The following CSMD1 variants were observed in gnomAD, a reference collection of about 807,000 sequenced individuals.
CSMD1 encodes the protein CUB and sushi domain-containing protein 1.
In CSMD1, 213 loss-of-function variants were observed where a neutral mutation model predicts 417.5. The observed-to-expected ratio is 0.51, with a 90% CI of 0.46 to 0.57. CSMD1 has a LOEUF of 0.57. Among genes scored for constraint, CSMD1 ranks in the 20% least tolerant of loss-of-function variants. The pLI, the probability that CSMD1 is intolerant of heterozygous loss-of-function variation, is 0.00. For synonymous variants in CSMD1, 2,862 were observed against 1,736.8 expected (o/e 1.65, Z -16.11); for missense variants, 6,923 against 4,529.7 (o/e 1.53, Z -15.17).
At chr8:3,761,447 A>C (rs1341119988) in intron 5 of CSMD1, among the ~76,000 whole-genome samples, 2 of 151,968 alleles carry the variant, frequency 1.3e-5, no homozygotes, top group African/African-American at 4.8e-5. Context: ...TGGTATATTT[A>C]AAACTGTACC....
At chr8:4,637,757 G>C (rs1033619669) in intron 1 of CSMD1, among the ~76,000 whole-genome samples, 199 bp from the exon 2 acceptor site, 1 of 139,340 alleles carries the variant, frequency 7.2e-6, no homozygotes, top group Non-Finnish European at 1.5e-5. Flanking sequence ...TGCAAGCTCC[G>C]CTTCCCGGGT....
chr8:4,211,320 A>G (rs1800298286), intron 3 of CSMD1, among the ~76,000 whole-genome samples: 1 of 152,084 alleles, frequency 6.6e-6, no homozygotes, highest in Non-Finnish European at 1.5e-5. Context: ...CTATCATTAT[A>G]TCCAACTGTT....
At chr8:2,974,063 G>GTGGTAGAGGATGGTGGTAGAGGATGA (rs1804703910) in intron 56 of CSMD1, among the ~76,000 whole-genome samples, 7 of 83,298 alleles carry the variant, frequency 8.4e-5, no homozygotes, top group Non-Finnish European at 1.6e-4. Context: ...GTAGAGGATG[G>GTGGTAGAGGATGGTGGTAGAGGATGA]TGGTAGAGGA....
chr8:3,828,990 G>A (rs888805538), intron 5 of CSMD1, among the ~76,000 whole-genome samples: 3 of 152,028 alleles, frequency 2.0e-5, no homozygotes, highest in African/African-American at 7.2e-5. Flanking sequence ...TTTTACCCCA[G>A]CTGTTTCCTC....
intron 1 of CSMD1, among the ~76,000 whole-genome samples, chr8:4,727,127 G>A (rs984593916): frequency 1.3e-5 from 2 of 152,114 alleles, no homozygotes; most frequent in African/African-American, 2.4e-5. Context: ...GCAGCTGAAT[G>A]TAACTTCTGC....
intron 1 of CSMD1, among the ~76,000 whole-genome samples, chr8:4,648,221 G>T (rs192709095): frequency 1.2e-4 from 19 of 152,320 alleles, no homozygotes; most frequent in Non-Finnish European, 7.3e-5. Context: ...CTTCTTTTGA[G>T]AAGTGTCTGT....
intron 7 of CSMD1, among the ~76,000 whole-genome samples, chr8:3,681,856 G>T (rs567089159): frequency 6.6e-6 from 1 of 152,070 alleles, no homozygotes; most frequent in Non-Finnish European, 1.5e-5. Flanking sequence ...TAGACCAATG[G>T]AACAGAACAG....
chr8:3,186,167 T>C (rs550397272), intron 36 of CSMD1, among the ~76,000 whole-genome samples: 43 of 151,566 alleles, frequency 2.8e-4, no homozygotes, highest in Non-Finnish European at 4.7e-4. Flanking sequence ...TTAACTTGTG[T>C]TGTTGTTGTT....
rs1176888806 is a variant in CSMD1, at chr8:3,509,007, T to G, written c.1345-15281A>C. On this transcript the variant is annotated intron_variant, in intron 10 of 69. Coordinates refer to ENST00000635120, the MANE Select transcript of CSMD1 (RefSeq NM_033225.6). The stretch of plus-strand genomic sequence containing the variant: ...AGAATATCTCAGTGCAAATCCCAGC[T>G]TTGTCTCTTGCAAGCTATCTGACCT... Among the ~76,000 whole-genome samples the G allele has an allele frequency of 3.3e-5, 5 of 152,214 alleles. No individual in the cohort carries two copies. The South Asian group carries it at 1.0e-3, about 32-fold the overall frequency.
At chr8:4,956,889 C>G (rs1809151898) in intron 1 of CSMD1, among the ~76,000 whole-genome samples, 1 of 152,156 alleles carries the variant, frequency 6.6e-6, no homozygotes, top group South Asian at 2.1e-4. Flanking sequence ...AAGCGGCAAT[C>G]CCCAACCAGG....
chr8:3,529,490 G>A (rs755387256), intron 10 of CSMD1, among the ~76,000 whole-genome samples: 11 of 152,180 alleles, frequency 7.2e-5, no homozygotes, highest in Non-Finnish European at 1.3e-4. Context: ...TTGGGATTAT[G>A]TGACTCTGGC....
chr8:3,767,580 CGA>C (rs768952790), intron 5 of CSMD1, among the ~76,000 whole-genome samples: 3 of 152,302 alleles, frequency 2.0e-5, no homozygotes, highest in Non-Finnish European at 2.9e-5. Context: ...TATCCAAATA[CGA>C]GTGTGTGGAT....
In CSMD1 at chr8:3,988,920, T is replaced by G. The variant is rs150507705; in HGVS notation, c.818+8983A>C. On this transcript the variant is annotated intron_variant, in intron 5 of 69. Transcript: ENST00000635120. Reference sequence around the variant, plus strand: ...TAAGATCAATGTTTTAAAAGTTGAGTGGAGAAGTTAACAGCTTTTATAACT... The same window carrying G: ...TAAGATCAATGTTTTAAAAGTTGAGGGGAGAAGTTAACAGCTTTTATAACT... 8.7e-4 allele frequency among the ~76,000 whole-genome samples: 133 copies of G among 152,328 alleles called. No individual in the cohort carries two copies. The East Asian group carries it at 0.022, about 26-fold the overall frequency.
chr8:4,872,438 G>T (rs577602812), intron 1 of CSMD1, among the ~76,000 whole-genome samples: 1 of 151,900 alleles, frequency 6.6e-6, no homozygotes, highest in East Asian at 1.9e-4. Context: ...GAAGTCTGAC[G>T]GTTTTATAAG....
chr8:3,656,663 C>T (rs1037149527), intron 7 of CSMD1, among the ~76,000 whole-genome samples: 1 of 152,176 alleles, frequency 6.6e-6, no homozygotes, highest in African/African-American at 2.4e-5. Context: ...CGTGGTGGCT[C>T]ACGCCTGTAA....
intron 3 of CSMD1, among the ~76,000 whole-genome samples, chr8:4,173,039 G>C (rs925602910): frequency 6.6e-6 from 1 of 152,106 alleles, no homozygotes; most frequent in Non-Finnish European, 1.5e-5. Context: ...CCCTAATATT[G>C]CAAGAAATTT....
chr8:3,137,266 G>T (rs934713279), intron 41 of CSMD1, among the ~76,000 whole-genome samples: 2 of 152,194 alleles, frequency 1.3e-5, no homozygotes, highest in Non-Finnish European at 2.9e-5. Context: ...AATGCGTAGG[G>T]ACTAAAAATT....
chr8:4,775,400 C>T (rs1291044129), intron 1 of CSMD1, among the ~76,000 whole-genome samples: 1 of 152,040 alleles, frequency 6.6e-6, no homozygotes, highest in South Asian at 2.1e-4. Flanking sequence ...AGTTTATAAA[C>T]TTCCATGAAG....
At chr8:4,850,204 C>A (rs1184870381) in intron 1 of CSMD1, among the ~76,000 whole-genome samples, 1 of 152,156 alleles carries the variant, frequency 6.6e-6, no homozygotes, top group African/African-American at 2.4e-5. Context: ...TATTTTTTAA[C>A]TGGGTTATCT....
Sources: allele counts gnomAD v4.1 joint callset (sites outside exome capture counted in the v4.1 genomes callset), GRCh38; gene constraint gnomAD v4.1.1; transcripts MANE v1.5; gene names NCBI Gene and HGNC (gene_info 2026-07-23, HGNC 2026-07-21).